Variants in ZDHHC20 observed in about 807,000 individuals in gnomAD.
The protein encoded by ZDHHC20 is zDHHC palmitoyltransferase 20.
A neutral mutation model predicts 57.8 loss-of-function variants in ZDHHC20; 43 were observed. The ratio of observed to expected loss-of-function variants is 0.74; its 90% CI spans 0.58 to 0.96. The LOEUF (loss-of-function observed/expected upper bound fraction) is 0.96. ZDHHC20 is among the 40% of genes least tolerant of loss of function. ZDHHC20 has a pLI of 0.00. For synonymous variants in ZDHHC20, 157 were observed against 153.0 expected (o/e 1.03, Z -0.19); for missense variants, 391 against 441.1 (o/e 0.89, Z 1.02).
Position 21,402,736 on chromosome 13 carries a change from G to T in ZDHHC20, c.440+61C>A. The stretch of plus-strand genomic sequence containing the variant: ...AGCATATAAAATGTTCCTTCCCCTT[G>T]CACTTTCCCATCACTGATTTCCAGT... On this transcript the variant is annotated intron_variant, in intron 5 of 12. Transcript: ENST00000400590. 1 of 1,366,712 alleles carries T rather than the reference G, an allele frequency of 7.3e-7. No individual in the cohort carries two copies. Among genetic ancestry groups the T allele is most frequent in the Non-Finnish European group, 1.0e-6 (1 of 978,730 alleles). 84.7% of individuals were successfully genotyped at this position (1,366,712 alleles called of 1,614,324 possible).
intron 1 of ZDHHC20, among the ~76,000 whole-genome samples, chr13:21,457,348 C>T (rs6490657): frequency 0.84 from 128,376 of 152,102 alleles, 54,613 homozygotes; most frequent in East Asian, 1. Flanking sequence ...ATAGGAATGA[C>T]ATAACTTTTA....
chr13:21,437,956 T>G lies in ZDHHC20; in HGVS notation c.119-12278A>C, dbSNP rs934092526. On this transcript the variant is annotated intron_variant, in intron 1 of 12. Coordinates refer to ENST00000400590, the MANE Select transcript of ZDHHC20 (RefSeq NM_001330059.2). ...TCTGCCCGCCTCGGCCTCCCAAAAT[T>G]CTGGGATTACAGGCGTGAGCCACCG... 5.8e-4 allele frequency among the ~76,000 whole-genome samples: 89 copies of G among 152,164 alleles called. 1 individual carries two copies. The highest frequency in any genetic ancestry group is 1.2e-4 in the Non-Finnish European group (8 of 68,026).
chr13:21,378,553 G>T, intron 12 of ZDHHC20, 108 bp downstream of exon 12: 1 of 504,458 alleles, frequency 2.0e-6, no homozygotes, highest in Non-Finnish European at 3.1e-6. Context: ...GCCTAATTTT[G>T]CTGATATAAT....
Position 21,414,408 on chromosome 13 carries a change from T to C in ZDHHC20, c.250-636A>G, listed in dbSNP as rs1879655596. The stretch of plus-strand genomic sequence containing the variant: ...CGGAGTCTTGCTCTGTCGCCCAGGC[T>C]AGAGTGCAGTGGAGTGATTTCGGCT... On this transcript the variant is annotated intron_variant, in intron 3 of 12. Coordinates refer to ENST00000400590, the MANE Select transcript of ZDHHC20 (RefSeq NM_001330059.2). Among the ~76,000 whole-genome samples, 4 of 151,646 alleles carry C rather than the reference T, an allele frequency of 2.6e-5. No individual in the cohort carries two copies. In the South Asian group the frequency reaches 8.3e-4, roughly 32 times the overall value.
intron 1 of ZDHHC20, among the ~76,000 whole-genome samples, chr13:21,430,377 C>T (rs1273668774): frequency 6.6e-6 from 1 of 151,856 alleles, no homozygotes; most frequent in Non-Finnish European, 1.5e-5. Context: ...TGAGAGGGAA[C>T]TTGTTACTGT....
At chr13:21,439,176 T>C (rs759407871) in intron 1 of ZDHHC20, among the ~76,000 whole-genome samples, 1 of 152,138 alleles carries the variant, frequency 6.6e-6, no homozygotes, top group Non-Finnish European at 1.5e-5. Context: ...TGAGGAAAGA[T>C]CAAATAAACC....
intron 3 of ZDHHC20, among the ~76,000 whole-genome samples, chr13:21,420,121 T>C (rs1880482809): frequency 6.6e-6 from 1 of 152,126 alleles, no homozygotes; most frequent in African/African-American, 2.4e-5. Flanking sequence ...ATCCCGTCTC[T>C]ACTGAAAATA....
intron 4 of ZDHHC20, among the ~76,000 whole-genome samples, chr13:21,413,152 G>C (rs1209655758): frequency 6.6e-6 from 1 of 152,158 alleles, no homozygotes; most frequent in East Asian, 1.9e-4. Flanking sequence ...GGAAGCATTA[G>C]TACAGAGGAA....
intron 6 of ZDHHC20, 150 bp from the exon 7 acceptor site, chr13:21,400,643 A>AC (rs1311953978): frequency 2.8e-6 from 2 of 720,484 alleles, no homozygotes; most frequent in African/African-American, 3.6e-5. Flanking sequence ...GCAGGATGAA[A>AC]AAGTTCTGGA....
chr13:21,387,892 T>A (rs1460978121), intron 8 of ZDHHC20, among the ~76,000 whole-genome samples: 1 of 152,190 alleles, frequency 6.6e-6, no homozygotes, highest in Non-Finnish European at 1.5e-5. Flanking sequence ...TCTAGTATTG[T>A]GTGCTCAGTA....
intron 1 of ZDHHC20, among the ~76,000 whole-genome samples, chr13:21,439,041 A>G (rs545923885): frequency 9.4e-4 from 143 of 152,340 alleles, no homozygotes; most frequent in African/African-American, 3.2e-3. Flanking sequence ...TAACTTTTAT[A>G]TGCAGTAGGA....
At position 21,402,820 on chromosome 13, in the gene ZDHHC20, C is replaced by T. The variant is rs768359281; in HGVS notation, c.417G>A (p.Ala139=). ...ACGAGTCACAGGCTGAGCAGTGATG[C>T]GCCCGATCAGGTTTAATCAGCTGAC... is the stretch of plus-strand genomic sequence containing the variant. ...EKCQLIKPDR[A]HHCSACDSCI... The change falls in exon 5 of 13, where the codon GCG becomes GCA. Residue 139 remains alanine, a synonymous_variant. Transcript: ENST00000400590. The T allele has an allele frequency of 6.3e-6, 10 of 1,598,226 alleles. No individual in the cohort carries two copies. Among genetic ancestry groups the T allele is most frequent in the Middle Eastern group, 1.6e-4 (1 of 6,068 alleles).
chr13:21,453,314 G>A (rs1040558860), intron 1 of ZDHHC20, among the ~76,000 whole-genome samples: 8 of 152,130 alleles, frequency 5.3e-5, no homozygotes, highest in African/African-American at 7.2e-5. Flanking sequence ...TGTAAAATAC[G>A]AGGCAAAAAC....
chr13:21,431,687 T>G (rs1218589241), intron 1 of ZDHHC20, among the ~76,000 whole-genome samples: 1 of 152,236 alleles, frequency 6.6e-6, no homozygotes, highest in African/African-American at 2.4e-5. Flanking sequence ...CTAAAAAATA[T>G]GCAGTGGTAT....
At position 21,393,231 on chromosome 13, in the gene ZDHHC20, G is replaced by A. The variant is rs145420744; in HGVS notation, c.595-1377C>T. Among the ~76,000 whole-genome samples the A allele has an allele frequency of 7.0e-3, 1,053 of 150,590 alleles. 11 individuals are homozygous for A. Among genetic ancestry groups the A allele is most frequent in the African/African-American group, 0.023 (956 of 40,954 alleles). ...AAGATACAAGGTCTTGGCTGGGCAC[G>A]GTGGCTCACACCTGTAATCCCAGTA... On this transcript the variant is annotated intron_variant, in intron 7 of 12. Transcript: ENST00000400590.
At chr13:21,387,452 GAAA>G in intron 9 of ZDHHC20, 53 bp downstream of exon 9, 1 of 1,347,320 alleles carries the variant, frequency 7.4e-7, no homozygotes, top group Non-Finnish European at 9.6e-7. Flanking sequence ...CATTTAACCA[GAAA>G]AAGAGACTAC....
chr13:21,447,972 A>C (rs1393344710), intron 1 of ZDHHC20, among the ~76,000 whole-genome samples: 11 of 74,778 alleles, frequency 1.5e-4, no homozygotes, highest in African/African-American at 1.5e-4. Context: ...TGCCCGGCCG[A>C]GACCCCGTCT....
intron 1 of ZDHHC20, among the ~76,000 whole-genome samples, chr13:21,456,382 CCTGGGCAACA>C (rs1382955460): frequency 2.0e-5 from 3 of 152,114 alleles, no homozygotes; most frequent in Non-Finnish European, 4.4e-5. Flanking sequence ...TGCACTCCAG[CCTGGGCAACA>C]AGAGTGAAAC....
intron 1 of ZDHHC20, among the ~76,000 whole-genome samples, chr13:21,456,750 C>A (rs1884961299): frequency 6.6e-6 from 1 of 152,212 alleles, no homozygotes; most frequent in Non-Finnish European, 1.5e-5. Context: ...TGCCAAGCAT[C>A]AGGCCATAGT....
Sources: allele counts gnomAD v4.1 joint callset (sites outside exome capture counted in the v4.1 genomes callset), GRCh38; gene constraint gnomAD v4.1.1; transcripts MANE v1.5; gene names NCBI Gene and HGNC (gene_info 2026-07-23, HGNC 2026-07-21).